The following SUZ12 variants were observed in gnomAD, a reference collection of about 807,000 sequenced individuals.
SUZ12 encodes SUZ12 polycomb repressive complex 2 subunit.
A neutral mutation model predicts 87.3 loss-of-function variants in SUZ12; 17 were observed. That is an observed-to-expected ratio of 0.19 (90% CI 0.13 to 0.29). The LOEUF (loss-of-function observed/expected upper bound fraction) is 0.29, where lower values mean the gene tolerates loss of function less well. Among genes scored for constraint, SUZ12 ranks in the 10% least tolerant of loss-of-function variants. The pLI is 1.00. For missense variants in SUZ12, 526 were observed against 912.2 expected, an observed-to-expected ratio of 0.58 and a Z score of 5.45; for synonymous variants, 253 against 312.4, an observed-to-expected ratio of 0.81 and a Z score of 2.01.
chr17:31,984,529 C>T (rs1390311842), intron 9 of SUZ12, among the ~76,000 whole-genome samples: 1 of 152,150 alleles, frequency 6.6e-6, no homozygotes, highest in East Asian at 1.9e-4. Context: ...CATTTTTATA[C>T]TGCAAAATAT....
intron 8 of SUZ12, among the ~76,000 whole-genome samples, chr17:31,977,068 A>C (rs1198056998): frequency 6.6e-6 from 1 of 152,192 alleles, no homozygotes; most frequent in African/African-American, 2.4e-5. Context: ...GAAGAGACTT[A>C]AATGGACTGG....
chr17:31,972,417 G>A (rs1055664002), intron 5 of SUZ12, among the ~76,000 whole-genome samples: 1 of 150,294 alleles, frequency 6.7e-6, no homozygotes, highest in Non-Finnish European at 1.5e-5. Context: ...ATAGAAATGT[G>A]TAGATGTGTT....
intron 4 of SUZ12, among the ~76,000 whole-genome samples, chr17:31,962,344 A>G (rs57561656): frequency 0.06 from 9,128 of 151,218 alleles, no homozygotes; most frequent in African/African-American, 0.19. Flanking sequence ...TAATCCCAGC[A>G]CTTTGGGAGG....
chr17:31,951,200 G>A (rs147930201), intron 4 of SUZ12, among the ~76,000 whole-genome samples: 2,134 of 152,196 alleles, frequency 0.014, 55 homozygotes, highest in African/African-American at 0.049. Flanking sequence ...GTCTGCTCCT[G>A]AGCCCAATAT....
chr17:31,963,961 T>G (rs1399246231), intron 4 of SUZ12: 1 of 152,260 alleles, frequency 6.6e-6, no homozygotes, highest in Non-Finnish European at 1.5e-5. Flanking sequence ...TAACTCTGCT[T>G]GGACCCTTAT....
chr17:31,994,048 ATC>A, intron 12 of SUZ12, 40 bp downstream of exon 12: 1 of 1,595,630 alleles, frequency 6.3e-7, no homozygotes, highest in South Asian at 1.1e-5. Context: ...GTGTTAAGAA[ATC>A]TCTTGTACCC....
chr17:31,982,613 T>G (rs977120040), intron 8 of SUZ12, among the ~76,000 whole-genome samples: 1 of 152,164 alleles, frequency 6.6e-6, no homozygotes, highest in Non-Finnish European at 1.5e-5. Flanking sequence ...GAGCGGAGAT[T>G]GCACCACTGC....
At chr17:31,973,474 T>G (rs1354708513) in intron 6 of SUZ12, among the ~76,000 whole-genome samples, 1 of 152,244 alleles carries the variant, frequency 6.6e-6, no homozygotes, top group Non-Finnish European at 1.5e-5. Context: ...ATGGAGAAGC[T>G]ATGTTTTAGC....
chr17:31,956,231 A>T (rs2142143098), intron 4 of SUZ12, among the ~76,000 whole-genome samples: 1 of 151,818 alleles, frequency 6.6e-6, no homozygotes, highest in East Asian at 1.9e-4. Context: ...TATTTTTTTG[A>T]GAGGGAGTCT....
intron 8 of SUZ12, among the ~76,000 whole-genome samples, chr17:31,979,701 G>A (rs772781120): frequency 5.9e-5 from 9 of 152,164 alleles, no homozygotes; most frequent in Admixed American, 2.0e-4. Flanking sequence ...TGATCACTCA[G>A]TTAAGATGCT....
At chr17:31,976,250 T>TA (rs757274038) in intron 7 of SUZ12, among the ~76,000 whole-genome samples, 1 of 152,234 alleles carries the variant, frequency 6.6e-6, no homozygotes, top group Non-Finnish European at 1.5e-5. Context: ...TTTTGGGAGT[T>TA]ACCACGAGTG....
chr17:31,985,429 TAC>T (rs1174364074), intron 9 of SUZ12, among the ~76,000 whole-genome samples: 2 of 151,124 alleles, frequency 1.3e-5, no homozygotes, highest in East Asian at 3.9e-4. Context: ...CATAACTGTA[TAC>T]ATATATATAT....
At chr17:31,973,697 A>G (rs1025419755) in intron 6 of SUZ12, among the ~76,000 whole-genome samples, 21 of 152,264 alleles carry the variant, frequency 1.4e-4, no homozygotes, top group African/African-American at 4.6e-4. Context: ...TATAAGGTGA[A>G]GTTATTTCAC....
At chr17:31,966,504 G>A in intron 5 of SUZ12, 1 of 226,136 alleles carries the variant, frequency 4.4e-6, no homozygotes, top group Non-Finnish European at 8.7e-6. Flanking sequence ...CGTGCCCCAT[G>A]CCTGGCTAAT....
At position 31,975,561 on chromosome 17, in the gene SUZ12, C is replaced by G. The variant is rs762947125; in HGVS notation, c.671C>G (p.Pro224Arg). Residue 224 changes from proline to arginine, a missense_variant, in exon 7 of 16, where the codon CCC becomes CGC. Pro to Arg is a moderately radical substitution (Grantham distance 103). Transcript: ENST00000322652. ...PLNPDLNQTK[P>R]GNFPSLAVSS... ...AATCCTGACCTCAATCAAACAAAAC[C>G]CGGAAATTTCCCGTCCCTTGCAGTT... 2 of 1,613,788 alleles carry G rather than the reference C, an allele frequency of 1.2e-6. No individual in the cohort carries two copies. The highest frequency in any genetic ancestry group is 1.7e-6 in the Non-Finnish European group (2 of 1,179,818).
At chr17:31,990,824 T>C (rs1394850425) in intron 10 of SUZ12, among the ~76,000 whole-genome samples, 1 of 152,060 alleles carries the variant, frequency 6.6e-6, no homozygotes, top group African/African-American at 2.4e-5. Context: ...CTCAGCTCAC[T>C]GAAACCACCG....
intron 3 of SUZ12, among the ~76,000 whole-genome samples, chr17:31,945,859 C>T (rs558593247): frequency 3.9e-5 from 6 of 152,244 alleles, no homozygotes; most frequent in Admixed American, 1.3e-4. Flanking sequence ...AAACATTATT[C>T]GGAAAAGTTT....
intron 3 of SUZ12, among the ~76,000 whole-genome samples, chr17:31,946,312 T>A (rs1355266205): frequency 6.6e-6 from 1 of 152,138 alleles, no homozygotes; most frequent in Admixed American, 6.6e-5. Flanking sequence ...GGTGGATAGA[T>A]CACCTGAGGT....
At chr17:31,962,171 C>G (rs1373607575) in intron 4 of SUZ12, among the ~76,000 whole-genome samples, 2 of 152,174 alleles carry the variant, frequency 1.3e-5, no homozygotes, top group Non-Finnish European at 2.9e-5. Context: ...CACAGTGGCT[C>G]ATGCCTATAA....
Sources: allele counts gnomAD v4.1 joint callset (sites outside exome capture counted in the v4.1 genomes callset), GRCh38; gene constraint gnomAD v4.1.1; transcripts MANE v1.5; gene names NCBI Gene and HGNC (gene_info 2026-07-23, HGNC 2026-07-21).